NMBR: variants seen among roughly 807,000 people sequenced by gnomAD.
NMBR encodes the protein neuromedin-B receptor.
In NMBR, 16 loss-of-function variants were observed where a neutral mutation model predicts 20.5. That is an observed-to-expected ratio of 0.78 (90% CI 0.53 to 1.19). The LOEUF (loss-of-function observed/expected upper bound fraction) is 1.19. NMBR is among the 50% of genes most tolerant of loss of function. NMBR has a pLI of 0.00. For missense variants in NMBR, 582 were observed against 499.1 expected, an observed-to-expected ratio of 1.17 and a Z score of -1.58; for synonymous variants, 212 against 196.6, an observed-to-expected ratio of 1.08 and a Z score of -0.65.
Position 142,125,461 on chromosome 6 carries a change from A to G in NMBR, c.-664+21583T>C, listed in dbSNP as rs1582858761. Reference sequence around the variant, plus strand: ...CATGTGCATGCATATACACATATACATGTGCATGCATATACACATATACAT... The same window carrying G: ...CATGTGCATGCATATACACATATACGTGTGCATGCATATACACATATACAT... On this transcript the variant is annotated intron_variant, in intron 1 of 3. Transcript: ENST00000258042. Among the ~76,000 whole-genome samples, 3 of 151,996 alleles carry G rather than the reference A, an allele frequency of 2.0e-5. No homozygotes were observed. The South Asian group carries it at 6.2e-4, about 31-fold the overall frequency.
At chr6:142,096,964 A>T (rs1777466193) in intron 1 of NMBR, among the ~76,000 whole-genome samples, 1 of 151,838 alleles carries the variant, frequency 6.6e-6, no homozygotes, top group Non-Finnish European at 1.5e-5. Context: ...GTTGGTTTAA[A>T]GTCTGTTTTA....
In NMBR at chr6:142,088,460, T is replaced by G. The variant is rs1161166469; in HGVS notation, c.199A>C (p.Ile67Leu). The G allele has an allele frequency of 1.9e-6, 3 of 1,613,786 alleles. No individual in the cohort carries two copies. The highest frequency in any genetic ancestry group is 2.2e-5 in the South Asian group (2 of 91,040). ...CTCATGGCGCTGTTGGTGATGAAGA[T>G]CTTCACCAGCATGATGTTGCCCAGC... ...GLLGNIMLVKIFITNSAMRSV... is the reference protein window; with the variant it reads ...GLLGNIMLVKLFITNSAMRSV... Residue 67 changes from isoleucine (I) to leucine (L), a missense_variant, in exon 2 of 4, where the codon ATC becomes CTC. Ile to Leu is a conservative substitution (Grantham distance 5). Coordinates refer to ENST00000258042, the MANE Select transcript of NMBR (RefSeq NM_002511.4).
chr6:142,115,985 G>A (rs1777846220), intron 1 of NMBR, among the ~76,000 whole-genome samples: 1 of 151,858 alleles, frequency 6.6e-6, no homozygotes, highest in Non-Finnish European at 1.5e-5. Flanking sequence ...GGTCTTTCCT[G>A]CACTGTTCTC....
intron 1 of NMBR, among the ~76,000 whole-genome samples, chr6:142,142,391 A>C (rs1778374667): frequency 6.6e-6 from 1 of 152,214 alleles, no homozygotes; most frequent in African/African-American, 2.4e-5. Context: ...AATAGGATCC[A>C]GCAATATATA....
At chr6:142,121,127 A>C (rs909632745) in intron 1 of NMBR, among the ~76,000 whole-genome samples, 12 of 151,798 alleles carry the variant, frequency 7.9e-5, no homozygotes, top group Non-Finnish European at 1.5e-4. Context: ...TACTACTGTA[A>C]TTTTTTCAGG....
rs147749851 is a variant in NMBR, at chr6:142,124,067, C to T, written c.-664+22977G>A. Among the ~76,000 whole-genome samples, 74 of 151,590 alleles carry T rather than the reference C, an allele frequency of 4.9e-4. No individual in the cohort carries two copies. In the East Asian group the frequency reaches 0.012, roughly 24 times the overall value. On this transcript the variant is annotated intron_variant, in intron 1 of 3. Transcript: ENST00000258042. ...TCGAAACCATATCAAGCAGTCTAGC[C>T]GAAAAATTGGAGTCCCTGAAGACAG...
At chr6:142,091,528 C>T (rs1157994736) in intron 1 of NMBR, among the ~76,000 whole-genome samples, 1 of 152,114 alleles carries the variant, frequency 6.6e-6, no homozygotes, top group African/African-American at 2.4e-5. Context: ...CCCAGCCATA[C>T]AAACTTTATT....
At chr6:142,096,008 T>C (rs903357571) in intron 1 of NMBR, among the ~76,000 whole-genome samples, 23 of 152,326 alleles carry the variant, frequency 1.5e-4, no homozygotes, top group African/African-American at 5.3e-4. Context: ...ATCCCCTTTA[T>C]CATTTTTTAT....
chr6:142,107,550 T>C (rs1332402968), intron 1 of NMBR, among the ~76,000 whole-genome samples: 2 of 152,116 alleles, frequency 1.3e-5, no homozygotes, highest in Non-Finnish European at 2.9e-5. Context: ...TTGAACATTG[T>C]GGGAAAAAAT....
chr6:142,080,102 G>C (rs1164356205), intron 2 of NMBR, among the ~76,000 whole-genome samples: 2 of 151,866 alleles, frequency 1.3e-5, no homozygotes, highest in African/African-American at 4.8e-5. Flanking sequence ...ATATATTTTG[G>C]AAAATCACAT....
At chr6:142,139,150 G>A (rs1269359674) in intron 1 of NMBR, among the ~76,000 whole-genome samples, 1 of 152,152 alleles carries the variant, frequency 6.6e-6, no homozygotes, top group Non-Finnish European at 1.5e-5. Context: ...GAAAGGAGAT[G>A]GGGCAAAAGG....
intron 1 of NMBR, among the ~76,000 whole-genome samples, chr6:142,109,303 C>T (rs1383648665): frequency 1.3e-5 from 2 of 152,148 alleles, no homozygotes; most frequent in Non-Finnish European, 2.9e-5. Context: ...TCCACACTTG[C>T]ACCCATGGTG....
chr6:142,127,745 A>G (rs1163226453), intron 1 of NMBR, among the ~76,000 whole-genome samples: 1 of 150,212 alleles, frequency 6.7e-6, no homozygotes, highest in Non-Finnish European at 1.5e-5. Flanking sequence ...TTTTATTGCT[A>G]TTGTAAATGA....
intron 2 of NMBR, among the ~76,000 whole-genome samples, chr6:142,087,707 T>C (rs192371386): frequency 2.0e-5 from 3 of 152,330 alleles, no homozygotes; most frequent in Admixed American, 2.0e-4. Context: ...CATTTATTAA[T>C]CTAATTGGTT....
chr6:142,103,065 G>A (rs1777594648), intron 1 of NMBR, among the ~76,000 whole-genome samples: 1 of 152,086 alleles, frequency 6.6e-6, no homozygotes, highest in Non-Finnish European at 1.5e-5. Flanking sequence ...AGTGCAGGGG[G>A]CCTATGTGAG....
chr6:142,143,152 A>T (rs1035150072), intron 1 of NMBR, among the ~76,000 whole-genome samples: 1 of 152,216 alleles, frequency 6.6e-6, no homozygotes, highest in African/African-American at 2.4e-5. Context: ...TAAAATTTAA[A>T]TGTAAAAAAT....
Position 142,134,021 on chromosome 6 carries a change from A to G in NMBR, c.-664+13023T>C, listed in dbSNP as rs1186591481. The G allele has an allele frequency of 1.0e-5, 7 of 692,740 alleles. No individual in the cohort carries two copies. The African/African-American group carries it at 1.1e-4, about 10-fold the overall frequency. 42.9% of individuals were successfully genotyped at this position (692,740 alleles called of 1,614,324 possible). ...CTTCTGTTACAATCAGTTCAGGCCA[A>G]TCACTCCACAAGTAAGTTTTTCTGT... On this transcript the variant is annotated intron_variant, in intron 1 of 3. Coordinates refer to ENST00000258042, the MANE Select transcript of NMBR (RefSeq NM_002511.4).
At chr6:142,114,920 T>C (rs1777824320) in intron 1 of NMBR, among the ~76,000 whole-genome samples, 1 of 152,046 alleles carries the variant, frequency 6.6e-6, no homozygotes, top group Admixed American at 6.6e-5. Flanking sequence ...AGCAGTAAAA[T>C]AATATTTTCA....
At chr6:142,127,082 G>A (rs1345946304) in intron 1 of NMBR, among the ~76,000 whole-genome samples, 1 of 151,854 alleles carries the variant, frequency 6.6e-6, no homozygotes, top group African/African-American at 2.4e-5. Context: ...ATGCGAAGAA[G>A]CTTTTGTTTT....
Sources: allele counts gnomAD v4.1 joint callset (sites outside exome capture counted in the v4.1 genomes callset), GRCh38; gene constraint gnomAD v4.1.1; transcripts MANE v1.5; gene names NCBI Gene and HGNC (gene_info 2026-07-23, HGNC 2026-07-21).